The following DUSP29 variants were observed in gnomAD, a reference collection of about 807,000 sequenced individuals.
DUSP29 encodes the protein atypical dual-specific protein phosphatase.
In DUSP29, 12 loss-of-function variants were observed where a neutral mutation model predicts 13.5. The observed-to-expected ratio is 0.89, with a 90% CI of 0.57 to 1.44. The LOEUF is 1.44. Among genes scored for constraint, DUSP29 ranks in the 40% most tolerant of loss-of-function variants. The pLI is 0.00. For synonymous variants in DUSP29, 134 were observed against 128.7 expected (o/e 1.04, Z -0.28); for missense variants, 308 against 301.1 (o/e 1.02, Z -0.17).
In DUSP29 at chr10:75,039,851, G is replaced by A. The variant is rs568983991; in HGVS notation, c.422-1774C>T. Among the ~76,000 whole-genome samples, 9 of 152,264 alleles carry A rather than the reference G, an allele frequency of 5.9e-5. No individual in the cohort carries two copies. The South Asian group carries it at 8.3e-4, about 14-fold the overall frequency. On this transcript the variant is annotated intron_variant, in intron 3 of 3. Coordinates refer to ENST00000338487, the MANE Select transcript of DUSP29 (RefSeq NM_001003892.3). ...GGTGCAAGGTGTATTATGAACTGCC[G>A]GGGCTGGAGGGAGATAGGGCAAGAG...
intron 1 of DUSP29, among the ~76,000 whole-genome samples, chr10:75,065,570 C>A (rs1158458742): frequency 6.6e-6 from 1 of 152,162 alleles, no homozygotes; most frequent in African/African-American, 2.4e-5. Context: ...CTCAAATGAT[C>A]CACCCACCTT....
intron 1 of DUSP29, among the ~76,000 whole-genome samples, chr10:75,067,915 C>T (rs1379223543): frequency 6.6e-6 from 1 of 152,210 alleles, no homozygotes; most frequent in East Asian, 1.9e-4. Flanking sequence ...CAGATTCAAG[C>T]GATTCTCCTG....
At chr10:75,070,332 A>AG (rs1847303900) in intron 1 of DUSP29, among the ~76,000 whole-genome samples, 1 of 152,130 alleles carries the variant, frequency 6.6e-6, no homozygotes, top group Admixed American at 6.5e-5. Flanking sequence ...TAAGCTCCTG[A>AG]GGGCATGCCT....
chr10:75,048,795 C>T lies in DUSP29; in HGVS notation c.201-4778G>A, dbSNP rs114708278. ...GGGAAAGTGAAATGAACCGGCCTTCCGGTGTCTTGGGTGTTCTTGTTACTT... is the reference window on the plus strand; with the variant it reads ...GGGAAAGTGAAATGAACCGGCCTTCTGGTGTCTTGGGTGTTCTTGTTACTT... On this transcript the variant is annotated intron_variant, in intron 2 of 3. Transcript: ENST00000338487. Among the ~76,000 whole-genome samples the T allele has an allele frequency of 6.1e-3, 933 of 152,286 alleles. 5 individuals carry two copies. The highest frequency in any genetic ancestry group is 0.021 in the African/African-American group (858 of 41,554).
chr10:75,062,045 G>A (rs1266956286), intron 1 of DUSP29, among the ~76,000 whole-genome samples: 2 of 152,208 alleles, frequency 1.3e-5, no homozygotes, highest in Non-Finnish European at 2.9e-5. Flanking sequence ...ACTCTATTCT[G>A]GGGCCTGCCT....
rs146812389 is a variant in DUSP29 at position 75,041,837 on chromosome 10, T to C, written c.421+1960A>G. On this transcript the variant is annotated intron_variant, in intron 3 of 3. Coordinates refer to ENST00000338487, the MANE Select transcript of DUSP29 (RefSeq NM_001003892.3). ...CTAACAGTCATGATCCACAGCAGCCTGACACCTCCTCATAATGTTCTGTCA... is the reference window on the plus strand; with the variant it reads ...CTAACAGTCATGATCCACAGCAGCCCGACACCTCCTCATAATGTTCTGTCA... Among the ~76,000 whole-genome samples, 425 of 152,338 alleles carry C rather than the reference T, an allele frequency of 2.8e-3. 4 individuals are homozygous for C. Among genetic ancestry groups the C allele is most frequent in the African/African-American group, 9.7e-3 (405 of 41,580 alleles).
At position 75,058,394 on chromosome 10, in the gene DUSP29, G is replaced by T; in HGVS notation, c.121C>A (p.Leu41Met). The T allele has an allele frequency of 1.2e-6, 2 of 1,614,236 alleles. No individual in the cohort carries two copies. Among genetic ancestry groups the T allele is most frequent in the Non-Finnish European group, 1.7e-6 (2 of 1,180,036 alleles). ...CTGCCCTTCCAGAAGAGCCGCTCCA[G>T]CTCAAAGGCTCCAGGGGTGCAGTAG... is the stretch of plus-strand genomic sequence containing the variant. ...EDYCTPGAFE[L>M]ERLFWKGSPQ... is the part of the protein sequence containing the mutation. The change falls in exon 2 of 4, where the codon CTG becomes ATG. Residue 41 changes from leucine to methionine, a missense_variant. Leu to Met is a conservative substitution (Grantham distance 15). Transcript: ENST00000338487.
chr10:75,062,461 C>G (rs898858692), intron 1 of DUSP29, among the ~76,000 whole-genome samples: 1 of 152,202 alleles, frequency 6.6e-6, no homozygotes. Flanking sequence ...ATCCCCGTCT[C>G]CATCTCTGTG....
chr10:75,061,681 G>C (rs540191767), intron 1 of DUSP29, among the ~76,000 whole-genome samples: 1 of 152,320 alleles, frequency 6.6e-6, no homozygotes, highest in South Asian at 2.1e-4. Flanking sequence ...CTGTCCCAGT[G>C]GGGTGGGAGG....
At position 75,044,029 on chromosome 10, in the gene DUSP29, G is replaced by A. The variant is rs777817222; in HGVS notation, c.201-12C>T. The stretch of plus-strand genomic sequence containing the variant: ...CCAGCGCCGTCGCCCTGGGCGCAGG[G>A]GAGAGAAATCTGTGGGCGCGCGGCG... On this transcript the variant is annotated splice_polypyrimidine_tract_variant and intron_variant, in intron 2 of 3. Transcript: ENST00000338487. The A allele has an allele frequency of 2.5e-6, 4 of 1,599,824 alleles. No individual in the cohort carries two copies. Among genetic ancestry groups the A allele is most frequent in the South Asian group, 1.1e-5 (1 of 90,790 alleles).
intron 1 of DUSP29, among the ~76,000 whole-genome samples, chr10:75,066,362 A>G (rs1025649753): frequency 6.6e-6 from 1 of 151,636 alleles, no homozygotes; most frequent in Admixed American, 6.6e-5. Context: ...GTTACACACA[A>G]CAGCCATGTT....
chr10:75,063,003 T>G (rs978400472), intron 1 of DUSP29, among the ~76,000 whole-genome samples: 1 of 152,048 alleles, frequency 6.6e-6, no homozygotes, highest in African/African-American at 2.4e-5. Flanking sequence ...GGTGACAAAC[T>G]CAGGCTCCTT....
chr10:75,069,938 T>C (rs1847286997), intron 1 of DUSP29, among the ~76,000 whole-genome samples: 1 of 150,690 alleles, frequency 6.6e-6, no homozygotes, highest in Non-Finnish European at 1.5e-5. Flanking sequence ...TAATCCCAGC[T>C]ACTAGGGAGG....
chr10:75,037,759 C>G lies in DUSP29; in HGVS notation c.*77G>C. 2 of 1,518,032 alleles carry G rather than the reference C, an allele frequency of 1.3e-6. No homozygotes were observed. The allele number at this position is 1,518,032 out of a possible 1,614,324, so 94.0% of individuals were successfully genotyped here. A position where few individuals can be genotyped will look rare whatever the true frequency, so the allele number is the denominator to read the frequency against. ...GAGCTTCGGTTTCACCATCCCTTCT[C>G]TGGAGTCCTAGGCCAGGGCTATGTT... is the stretch of plus-strand genomic sequence containing the variant. On this transcript the variant is annotated 3_prime_UTR_variant, in exon 4 of 4. Coordinates refer to ENST00000338487, the MANE Select transcript of DUSP29 (RefSeq NM_001003892.3).
chr10:75,064,318 G>A (rs562327417), intron 1 of DUSP29, among the ~76,000 whole-genome samples: 2 of 152,242 alleles, frequency 1.3e-5, no homozygotes, highest in Admixed American at 1.3e-4. Context: ...GACTATCCTG[G>A]CCAACATGGT....
chr10:75,058,453 G>A lies in DUSP29; in HGVS notation c.62C>T (p.Ser21Leu), dbSNP rs772681444. 152 of 1,614,078 alleles carry A rather than the reference G, an allele frequency of 9.4e-5. No individual in the cohort carries two copies. Among genetic ancestry groups the A allele is most frequent in the Non-Finnish European group, 1.2e-4 (143 of 1,180,040 alleles). The change falls in exon 2 of 4, where the codon TCG (serine) becomes TTG (leucine). Residue 21 changes from serine (S) to leucine (L), a missense_variant. Ser to Leu is a moderately radical substitution (Grantham distance 145). Coordinates refer to ENST00000338487, the MANE Select transcript of DUSP29 (RefSeq NM_001003892.3). ...CTCCCCTTCCTCCTCCATCTTCGGC[G>A]ACAGCCTCTTGGCAGATGAGTAGGC... ...KNAYSSAKRL[S>L]PKMEEEGEEE...
At position 75,037,789 on chromosome 10, in the gene DUSP29, C is replaced by T. The variant is rs758261801; in HGVS notation, c.*47G>A. 1.2e-5 allele frequency: 19 copies of T among 1,564,920 alleles called. No homozygotes were observed. Among genetic ancestry groups the T allele is most frequent in the Non-Finnish European group, 1.6e-5 (18 of 1,157,362 alleles). On this transcript the variant is annotated 3_prime_UTR_variant, in exon 4 of 4. Coordinates refer to ENST00000338487, the MANE Select transcript of DUSP29 (RefSeq NM_001003892.3). ...GTCCTAGGCCAGGGCTATGTTCTGC[C>T]TCTCCCCTCTGTCCCCAAGTGCCTC...
chr10:75,058,477 G>C lies in DUSP29; in HGVS notation c.38C>G (p.Ala13Gly). Residue 13 changes from alanine to glycine, a missense_variant, in exon 2 of 4, where the codon GCC (alanine) becomes GGC (glycine). Physicochemically the swap from Ala to Gly is moderately conservative, Grantham distance 60. Coordinates refer to ENST00000338487, the MANE Select transcript of DUSP29 (RefSeq NM_001003892.3). The part of the protein sequence containing the change: ...SGEVKTSLKN[A>G]YSSAKRLSPK... ...CGACAGCCTCTTGGCAGATGAGTAG[G>C]CATTCTTGAGGCTTGTCTTCACTTC... The C allele has an allele frequency of 6.2e-7, 1 of 1,614,210 alleles. No homozygotes were observed. The highest frequency in any genetic ancestry group is 8.5e-7 in the Non-Finnish European group (1 of 1,180,048).
intron 3 of DUSP29, 29 bp downstream of exon 3, chr10:75,043,768 C>G (rs1191934841): frequency 6.3e-7 from 1 of 1,580,444 alleles, no homozygotes; most frequent in Admixed American, 1.7e-5. Flanking sequence ...GGGGCGGGGC[C>G]GATCGGGGCG....
Sources: gnomAD v4.1 joint callset for allele counts (sites outside exome capture counted in the v4.1 genomes callset) on GRCh38, gnomAD v4.1.1 for gene constraint, MANE v1.5 for transcripts, NCBI Gene and HGNC (gene_info 2026-07-23, HGNC 2026-07-21) for gene names.